FHL2: variants seen among roughly 807,000 people sequenced by gnomAD.
FHL2 encodes four and a half LIM domains 2.
FHL2 carries 20 observed loss-of-function variants against 32.7 expected under a neutral mutation model. That is an observed-to-expected ratio of 0.61 (90% CI 0.43 to 0.89). FHL2 has a LOEUF of 0.89. Ranked by LOEUF, FHL2 falls within the 40% of genes least tolerant of loss-of-function variation. FHL2 has a pLI of 0.00. For missense variants in FHL2, 311 were observed against 358.6 expected (o/e 0.87, Z 1.07); for synonymous variants, 123 against 128.1 (o/e 0.96, Z 0.27).
chr2:105,367,739 C>CT lies in FHL2; in HGVS notation c.332-1_332insA (p.Gly111GlufsTer14). 1 of 1,613,050 alleles carries CT rather than the reference C, an allele frequency of 6.2e-7. No homozygotes were observed. The stretch of plus-strand genomic sequence containing the variant: ...GCCCTTGTACTCCATCTTGCGGGTA[C>CT]CTGTCATCAGGGTCAAGAGGAACAC... On this transcript the variant is annotated frameshift_variant and splice_region_variant. Transcript: ENST00000530340. LOFTEE classifies it high-confidence loss of function.
At chr2:105,393,168 C>T (rs952644976) in intron 2 of FHL2, among the ~76,000 whole-genome samples, 2 of 152,048 alleles carry the variant, frequency 1.3e-5, no homozygotes, top group East Asian at 1.9e-4. Flanking sequence ...TTCAATGCAC[C>T]TTTTATTGAC....
intron 1 of FHL2, among the ~76,000 whole-genome samples, chr2:105,409,307 G>A (rs1483342644): frequency 6.6e-6 from 1 of 152,210 alleles, no homozygotes; most frequent in Admixed American, 6.5e-5. Context: ...GGCGCTGGGT[G>A]TAATTCACCT....
At chr2:105,430,510 T>C (rs1390230349) in intron 1 of FHL2, among the ~76,000 whole-genome samples, 1 of 152,016 alleles carries the variant, frequency 6.6e-6, no homozygotes. Context: ...CTACTAAAAA[T>C]ACAAAAAATT....
chr2:105,418,603 A>T (rs971047914), intron 1 of FHL2, among the ~76,000 whole-genome samples: 1 of 152,214 alleles, frequency 6.6e-6, no homozygotes, highest in Non-Finnish European at 1.5e-5. Context: ...ACAACTGTGG[A>T]TAAAGTATGC....
chr2:105,409,705 C>T lies in FHL2; in HGVS notation c.-24-23165G>A, dbSNP rs72945061. Among the ~76,000 whole-genome samples, 599 of 152,192 alleles carry T rather than the reference C, an allele frequency of 3.9e-3. 1 individual carries two copies. The highest frequency in any genetic ancestry group is 0.013 in the African/African-American group (535 of 41,524). On this transcript the variant is annotated intron_variant, in intron 1 of 5. Coordinates refer to the FHL2 transcript ENST00000393352. ...GGCTCTTTGTCCCAGAAAGAGGATG[C>T]GAAGGGGTGATATAAAATCCACCTT...
chr2:105,404,648 C>A (rs531465043), intron 1 of FHL2, among the ~76,000 whole-genome samples: 1 of 152,206 alleles, frequency 6.6e-6, no homozygotes, highest in Admixed American at 6.5e-5. Context: ...GTTACAGGAA[C>A]GATCTTGCAG....
intron 3 of FHL2, among the ~76,000 whole-genome samples, chr2:105,382,369 C>T (rs1315105356): frequency 6.6e-6 from 1 of 152,150 alleles, no homozygotes; most frequent in African/African-American, 2.4e-5. Flanking sequence ...GGGTCCTGCC[C>T]GAGGCTGCAG....
In FHL2 at chr2:105,386,415, G is replaced by T; in HGVS notation, c.102C>A (p.Thr34=). The change falls in exon 3 of 7, where the codon ACC becomes ACA. Residue 34 remains threonine (T), a synonymous_variant. Coordinates refer to ENST00000530340, the MANE Select transcript of FHL2 (RefSeq NM_001318895.3). The stretch of plus-strand genomic sequence containing the variant: ...ACTCCTCGCAGGTGTTGGCGAACAG[G>T]GTCTCAAAGCACACCACGCAGTAGG... ...ESPYCVVCFE[T]LFANTCEECG... is the part of the protein sequence containing the mutation. 6.2e-7 allele frequency: 1 copy of T among 1,614,170 alleles called. No homozygotes were observed. The highest frequency in any genetic ancestry group is 8.5e-7 in the Non-Finnish European group (1 of 1,180,028).
In FHL2 at chr2:105,398,992, T is replaced by A; in HGVS notation, c.-226A>T. On this transcript the variant is annotated 5_prime_UTR_variant, in exon 1 of 7. Transcript: ENST00000530340. ...CACGGCACCGCAGCGGGCCGGGGAC[T>A]CCCGGACGGGGCTGGAGGGCGCGGG... 1.3e-6 allele frequency: 2 copies of A among 1,505,482 alleles called. No individual in the cohort carries two copies. The highest frequency in any genetic ancestry group is 2.6e-5 in the South Asian group (2 of 77,036). The allele number at this position is 1,505,482 out of a possible 1,614,324, so 93.3% of individuals were successfully genotyped here.
At chr2:105,378,155 T>C in intron 3 of FHL2, 1 of 471,188 alleles carries the variant, frequency 2.1e-6, no homozygotes, top group Non-Finnish European at 4.4e-6. Flanking sequence ...GACATGCACA[T>C]GGGTCCAAGG....
chr2:105,408,923 G>A (rs867425691), intron 1 of FHL2, among the ~76,000 whole-genome samples: 2 of 152,112 alleles, frequency 1.3e-5, no homozygotes, highest in African/African-American at 2.4e-5. Flanking sequence ...TACATCCAAC[G>A]TGATGTAGCA....
intron 4 of FHL2, among the ~76,000 whole-genome samples, chr2:105,370,693 T>TA (rs1047104825): frequency 9.2e-5 from 14 of 152,286 alleles, no homozygotes; most frequent in Middle Eastern, 6.8e-3. Context: ...CTAACACTTT[T>TA]AAAAATCAAA....
chr2:105,357,937 G>A (rs1680081706), downstream of FHL2: 2 of 152,202 alleles, frequency 1.3e-5, no homozygotes, highest in Admixed American at 6.5e-5. Flanking sequence ...ATGGATCTGT[G>A]TATGCCTTAG....
chr2:105,434,464 A>T (rs1684527808), intron 1 of FHL2, among the ~76,000 whole-genome samples: 1 of 152,162 alleles, frequency 6.6e-6, no homozygotes, highest in Non-Finnish European at 1.5e-5. Context: ...GCTACTCAGG[A>T]GGCTGAGGCA....
At chr2:105,366,006 G>C (rs1680606262) in intron 5 of FHL2, among the ~76,000 whole-genome samples, 1 of 152,020 alleles carries the variant, frequency 6.6e-6, no homozygotes, top group Non-Finnish European at 1.5e-5. Context: ...GGAGTTCCGA[G>C]ATCAGCCTGG....
chr2:105,386,289 C>T, intron 3 of FHL2, 72 bp downstream of exon 3: 2 of 1,550,058 alleles, frequency 1.3e-6, no homozygotes, highest in South Asian at 1.2e-5. Context: ...ATCAGGGCTT[C>T]AGCACAAACC....
intron 3 of FHL2, among the ~76,000 whole-genome samples, chr2:105,380,554 G>C (rs1174169830): frequency 6.6e-6 from 1 of 152,136 alleles, no homozygotes; most frequent in African/African-American, 2.4e-5. Flanking sequence ...AAACAGAAAA[G>C]CTCCAAACCG....
intron 1 of FHL2, among the ~76,000 whole-genome samples, chr2:105,427,373 A>C (rs1371684118): frequency 6.6e-6 from 1 of 152,208 alleles, no homozygotes. Flanking sequence ...TTCATGACCC[A>C]TGATATGCAC....
intron 2 of FHL2, among the ~76,000 whole-genome samples, chr2:105,396,310 G>A (rs917444378): frequency 2.6e-5 from 4 of 152,294 alleles, no homozygotes; most frequent in East Asian, 1.9e-4. Flanking sequence ...AAGAAGAGCC[G>A]ATGTTTCAGT....
Sources: gnomAD v4.1 joint callset for allele counts (sites outside exome capture counted in the v4.1 genomes callset) on GRCh38, gnomAD v4.1.1 for gene constraint, MANE v1.5 for transcripts, NCBI Gene and HGNC (gene_info 2026-07-23, HGNC 2026-07-21) for gene names.